Variants in PARVA observed in about 807,000 individuals in gnomAD.
PARVA encodes alpha-parvin.
A neutral mutation model predicts 52.6 loss-of-function variants in PARVA; 25 were observed. That is an observed-to-expected ratio of 0.48 (90% confidence interval 0.35 to 0.66). The LOEUF is 0.66. Among genes scored for constraint, PARVA ranks in the 30% least tolerant of loss-of-function variants. The pLI, the probability that PARVA is intolerant of heterozygous loss-of-function variation, is 0.01. For missense variants in PARVA, 373 were observed against 450.9 expected, an observed-to-expected ratio of 0.83 and a Z score of 1.56; for synonymous variants, 185 against 179.1, an observed-to-expected ratio of 1.03 and a Z score of -0.26.
chr11:12,397,636 G>C (rs78934510), intron 1 of PARVA, among the ~76,000 whole-genome samples: 13,478 of 152,012 alleles, frequency 0.089, 717 homozygotes, highest in African/African-American at 0.14. Flanking sequence ...AAAGTTATCC[G>C]GATCTCTAAT....
intron 1 of PARVA, among the ~76,000 whole-genome samples, chr11:12,405,609 T>C (rs1939892625): frequency 6.6e-6 from 1 of 152,134 alleles, no homozygotes; most frequent in Non-Finnish European, 1.5e-5. Flanking sequence ...GTGTTTTTGC[T>C]ATTAATATTT....
At chr11:12,392,466 A>C (rs926445466) in intron 1 of PARVA, among the ~76,000 whole-genome samples, 1 of 152,034 alleles carries the variant, frequency 6.6e-6, no homozygotes, top group Non-Finnish European at 1.5e-5. Context: ...ACGGGGTTTC[A>C]CCATGTTGGC....
intron 12 of PARVA, among the ~76,000 whole-genome samples, chr11:12,518,831 C>A (rs1941604573): frequency 6.6e-6 from 1 of 152,218 alleles, no homozygotes; most frequent in Admixed American, 6.5e-5. Flanking sequence ...GGGTGCTGAC[C>A]TGCCAAAGAG....
At chr11:12,489,180 AAG>A (rs1207576175) in intron 4 of PARVA, among the ~76,000 whole-genome samples, 1 of 146,760 alleles carries the variant, frequency 6.8e-6, no homozygotes, top group African/African-American at 2.7e-5. Context: ...AAAAAAGAAA[AAG>A]AAAAAAAGTG....
chr11:12,501,762 T>TA (rs969191536), intron 5 of PARVA, among the ~76,000 whole-genome samples: 5 of 152,142 alleles, frequency 3.3e-5, no homozygotes, highest in East Asian at 1.9e-4. Flanking sequence ...TATTTCTTTC[T>TA]AAAAAAAATC....
chr11:12,436,747 C>T (rs984151975), intron 1 of PARVA, among the ~76,000 whole-genome samples: 6 of 152,038 alleles, frequency 3.9e-5, no homozygotes, highest in African/African-American at 1.4e-4. Flanking sequence ...GAACCAGACC[C>T]TGATCTGAAG....
At chr11:12,433,870 C>T (rs1311009843) in intron 1 of PARVA, among the ~76,000 whole-genome samples, 1 of 152,190 alleles carries the variant, frequency 6.6e-6, no homozygotes, top group African/African-American at 2.4e-5. Context: ...AGTACCGTGC[C>T]TCCTTTACCT....
chr11:12,411,710 T>A (rs1461206110), intron 1 of PARVA, among the ~76,000 whole-genome samples: 2 of 152,196 alleles, frequency 1.3e-5, no homozygotes, highest in Non-Finnish European at 2.9e-5. Flanking sequence ...AGTTAGCAGA[T>A]TATGGATGAC....
Position 12,534,143 on chromosome 11 carries a change from G to A in PARVA, c.*6218G>A, listed in dbSNP as rs1247921045. Among the ~76,000 whole-genome samples, 1 of 152,096 alleles carries A rather than the reference G, an allele frequency of 6.6e-6. No individual in the cohort carries two copies. Among genetic ancestry groups the A allele is most frequent in the Non-Finnish European group, 1.5e-5 (1 of 68,010 alleles). On this transcript the variant is annotated 3_prime_UTR_variant, in exon 13 of 13. Coordinates refer to ENST00000334956, the MANE Select transcript of PARVA (RefSeq NM_018222.5). ...AGATCGCATCACTGCACTCAAGCCT[G>A]GGCAACAGAGCAAGACTGCGTCTCA...
chr11:12,501,207 A>G (rs1465114613), intron 5 of PARVA, among the ~76,000 whole-genome samples: 1 of 151,944 alleles, frequency 6.6e-6, no homozygotes, highest in Non-Finnish European at 1.5e-5. Flanking sequence ...TTGTGTGTGT[A>G]TATGTAGATA....
chr11:12,481,947 A>C (rs1446489461), intron 4 of PARVA, among the ~76,000 whole-genome samples: 2 of 152,032 alleles, frequency 1.3e-5, no homozygotes, highest in African/African-American at 4.8e-5. Flanking sequence ...AGGCAGGTGG[A>C]TCATCTGAGG....
intron 1 of PARVA, among the ~76,000 whole-genome samples, chr11:12,458,964 GTTC>G (rs1940737012): frequency 6.6e-6 from 1 of 152,100 alleles, no homozygotes; most frequent in East Asian, 1.9e-4. Context: ...TACTTTCTTT[GTTC>G]TTCTTTCCTT....
intron 1 of PARVA, among the ~76,000 whole-genome samples, chr11:12,472,169 G>C (rs926896824): frequency 6.6e-6 from 1 of 152,118 alleles, no homozygotes; most frequent in East Asian, 1.9e-4. Context: ...GGAAGGAGGA[G>C]GATTGTCTTA....
intron 4 of PARVA, 97 bp from the exon 5 acceptor site, chr11:12,496,361 T>G: frequency 1.6e-6 from 2 of 1,217,472 alleles, no homozygotes; most frequent in Middle Eastern, 2.4e-4. Context: ...CATGCATGCA[T>G]GAGTGCATGA....
At chr11:12,512,838 C>T (rs1941519017) in intron 8 of PARVA, among the ~76,000 whole-genome samples, 2 of 152,186 alleles carry the variant, frequency 1.3e-5, no homozygotes, top group Non-Finnish European at 2.9e-5. Flanking sequence ...CATCCTGGAG[C>T]TCCCTGGCTC....
chr11:12,463,699 G>T (rs1220100473), intron 1 of PARVA, among the ~76,000 whole-genome samples: 2 of 152,112 alleles, frequency 1.3e-5, no homozygotes, highest in African/African-American at 4.8e-5. Flanking sequence ...CATAAAGAGT[G>T]GGGAGTTATG....
At chr11:12,416,099 G>A (rs1940061480) in intron 1 of PARVA, among the ~76,000 whole-genome samples, 2 of 152,180 alleles carry the variant, frequency 1.3e-5, no homozygotes. Flanking sequence ...GAATGATTGA[G>A]GGGGAATTTT....
chr11:12,474,137 C>T (rs1940972760), intron 3 of PARVA, among the ~76,000 whole-genome samples, 154 bp downstream of exon 3: 1 of 152,036 alleles, frequency 6.6e-6, no homozygotes, highest in African/African-American at 2.4e-5. Context: ...AGCAGATGGC[C>T]ATCGAAAACG....
chr11:12,383,731 T>G (rs1484766360), intron 1 of PARVA, among the ~76,000 whole-genome samples: 1 of 151,986 alleles, frequency 6.6e-6, no homozygotes, highest in African/African-American at 2.4e-5. Flanking sequence ...CCTGGGCATA[T>G]CTAACTTTTT....
Sources: allele counts gnomAD v4.1 joint callset (sites outside exome capture counted in the v4.1 genomes callset), GRCh38; gene constraint gnomAD v4.1.1; transcripts MANE v1.5; gene names NCBI Gene and HGNC (gene_info 2026-07-23, HGNC 2026-07-21).